The following VPS35L variants were observed in gnomAD, a reference collection of about 807,000 sequenced individuals.
The protein encoded by VPS35L is VPS35 endosomal protein sorting factor like, also known as VPS35 endosomal protein-sorting factor-like.
Under a neutral mutation model 133.0 loss-of-function variants are expected in VPS35L, and 83 were observed. The observed-to-expected ratio is 0.62, with a 90% confidence interval of 0.52 to 0.75. VPS35L has a LOEUF of 0.75. Among genes scored for constraint, VPS35L ranks in the 30% least tolerant of loss-of-function variants. The pLI is 0.00. For synonymous variants in VPS35L, 423 were observed against 449.9 expected (o/e 0.94, Z 0.76); for missense variants, 1,083 against 1,206.8 (o/e 0.90, Z 1.52).
In VPS35L at chr16:19,628,754, G is replaced by T. The variant is rs575523835; in HGVS notation, c.1500+1G>T. On this transcript the variant is annotated splice_donor_variant, in intron 17 of 30. Coordinates refer to ENST00000417362, the MANE Select transcript of VPS35L (RefSeq NM_020314.7). LOFTEE classifies it high-confidence loss of function. ...CATCACTAAGCTGAAGAACCCACAG[G>T]TGAGTGGCCATTTTATTTTTATTTT... 1.6e-6 allele frequency: 2 copies of T among 1,265,480 alleles called. No individual in the cohort carries two copies. Among genetic ancestry groups the T allele is most frequent in the South Asian group, 4.0e-5 (2 of 49,696 alleles). The allele number at this position is 1,265,480 out of a possible 1,614,324, so 78.4% of individuals were successfully genotyped here.
chr16:19,595,211 CGTG>C (rs1972172746), intron 8 of VPS35L, among the ~76,000 whole-genome samples: 1 of 152,008 alleles, frequency 6.6e-6, no homozygotes, highest in Non-Finnish European at 1.5e-5. Context: ...GGTGATCCCA[CGTG>C]GGATTTAACA....
intron 29 of VPS35L, among the ~76,000 whole-genome samples, chr16:19,695,022 AAGAC>A (rs1341402835): frequency 2.1e-4 from 32 of 150,036 alleles, no homozygotes; most frequent in African/African-American, 6.8e-4. Context: ...AAAAAAAAAA[AAGAC>A]AGAGCTCAAG....
rs1004990353 is a variant in VPS35L, at chr16:19,633,927, C to T, written c.1635+755C>T. Among the ~76,000 whole-genome samples, 3 of 151,870 alleles carry T rather than the reference C, an allele frequency of 2.0e-5. No individual in the cohort carries two copies. The highest frequency in any genetic ancestry group is 2.1e-4 in the South Asian group (1 of 4,826). On this transcript the variant is annotated intron_variant, in intron 19 of 30. Transcript: ENST00000417362. The surrounding 1 kb of genome is among the most constrained non-coding windows in gnomAD (Gnocchi z 4.1). ...ATTTTTAGTAGAGTTGGGGTTTCAC[C>T]GCGTTAGCCAGGGTGGTCTCGATGT...
chr16:19,578,225 T>A, intron 5 of VPS35L: 2 of 447,522 alleles, frequency 4.5e-6, no homozygotes, highest in Non-Finnish European at 8.9e-6. Context: ...CCTAAAACAT[T>A]TGTCAGGCTT....
At chr16:19,621,427 G>A (rs912980551) in intron 14 of VPS35L, among the ~76,000 whole-genome samples, 1 of 152,128 alleles carries the variant, frequency 6.6e-6, no homozygotes. Context: ...AAAAACAAAT[G>A]TTACATAAAT....
intron 7 of VPS35L, among the ~76,000 whole-genome samples, chr16:19,585,704 C>T (rs1003080556): frequency 6.6e-6 from 1 of 151,920 alleles, no homozygotes; most frequent in Non-Finnish European, 1.5e-5. Context: ...CACACCTGGC[C>T]TATCAGTTTT....
intron 2 of VPS35L, chr16:19,569,155 G>C (rs1971280903): frequency 1.6e-6 from 1 of 629,382 alleles, no homozygotes; most frequent in South Asian, 1.5e-5. Flanking sequence ...GGGAACCCCA[G>C]GTGCTGTAGC....
chr16:19,575,026 T>C, intron 4 of VPS35L, 72 bp from the exon 5 acceptor site: 1 of 1,284,254 alleles, frequency 7.8e-7, no homozygotes, highest in South Asian at 1.4e-5. Context: ...GGTATGTAAA[T>C]GGCTCTGTTG....
Position 19,569,393 on chromosome 16 carries a change from TC to T in VPS35L, c.118-29del, listed in dbSNP as rs753521367. On this transcript the variant is annotated intron_variant, in intron 2 of 30. Coordinates refer to ENST00000417362, the MANE Select transcript of VPS35L (RefSeq NM_020314.7). ...TTTCACTGGAGAGAGTTGTGGGAGT[TC>T]CGTTTTACCTCCAGAAATTTTCCTC... The T allele has an allele frequency of 2.3e-5, 36 of 1,595,650 alleles. No homozygotes were observed. The South Asian group carries it at 4.0e-4, about 18-fold the overall frequency.
chr16:19,594,161 A>T (rs957790415), intron 8 of VPS35L, among the ~76,000 whole-genome samples: 1 of 152,176 alleles, frequency 6.6e-6, no homozygotes, highest in Non-Finnish European at 1.5e-5. Flanking sequence ...CTGATTATCC[A>T]GGCCTGGGTC....
rs1298905258 is a variant in VPS35L at position 19,700,360 on chromosome 16, C to T, written c.2794-18C>T. On this transcript the variant is annotated intron_variant, in intron 30 of 30. Transcript: ENST00000417362. ...ATAATGAACCAGAAAGGAGATGGAT[C>T]TTTCTTTTTCCTCATAGGTGAAAAC... is the stretch of plus-strand genomic sequence containing the variant. 8 of 1,600,938 alleles carry T rather than the reference C, an allele frequency of 5.0e-6. No individual in the cohort carries two copies. The Admixed American group carries it at 1.2e-4, about 23-fold the overall frequency.
chr16:19,642,956 T>C (rs778262504), intron 22 of VPS35L, among the ~76,000 whole-genome samples: 1 of 152,236 alleles, frequency 6.6e-6, no homozygotes, highest in Non-Finnish European at 1.5e-5. Flanking sequence ...TTTTAAAATA[T>C]GTTTTCGTTT....
chr16:19,607,995 T>C, intron 9 of VPS35L, 183 bp from the exon 10 acceptor site: 1 of 584,172 alleles, frequency 1.7e-6, no homozygotes, highest in Non-Finnish European at 3.0e-6. Context: ...ACTTGGCACT[T>C]AGAAAGCCTG....
chr16:19,638,413 C>T (rs980593151), intron 20 of VPS35L, among the ~76,000 whole-genome samples: 10 of 152,134 alleles, frequency 6.6e-5, no homozygotes, highest in African/African-American at 2.2e-4. Context: ...ATATACATTC[C>T]AAGACTCCCA....
chr16:19,648,016 C>T, intron 24 of VPS35L, 134 bp downstream of exon 24: 1 of 766,332 alleles, frequency 1.3e-6, no homozygotes. Flanking sequence ...TGCAGTGGCG[C>T]AATCATAGCT....
At chr16:19,659,679 G>A (rs1974416016) in intron 26 of VPS35L, among the ~76,000 whole-genome samples, 1 of 152,172 alleles carries the variant, frequency 6.6e-6, no homozygotes, top group African/African-American at 2.4e-5. Flanking sequence ...ATAGATAGTG[G>A]TAAATCTCTA....
intron 3 of VPS35L, among the ~76,000 whole-genome samples, chr16:19,571,532 T>C (rs1971384309): frequency 6.7e-6 from 1 of 149,504 alleles, no homozygotes; most frequent in Admixed American, 6.6e-5. Context: ...TTTTTTTTAA[T>C]TTATTTTATT....
At chr16:19,671,845 A>G (rs189161029) in intron 27 of VPS35L, among the ~76,000 whole-genome samples, 352 of 152,352 alleles carry the variant, frequency 2.3e-3, no homozygotes, top group African/African-American at 7.3e-3. Context: ...TGCATGGCAC[A>G]GAACAGATTA....
At chr16:19,626,370 C>T (rs1973261878) in intron 15 of VPS35L, 147 bp downstream of exon 15, 1 of 721,804 alleles carries the variant, frequency 1.4e-6, no homozygotes, top group Non-Finnish European at 2.5e-6. Flanking sequence ...GTTGCCTGGC[C>T]TCAGACCTTG....
Sources: allele counts gnomAD v4.1 joint callset (sites outside exome capture counted in the v4.1 genomes callset), GRCh38; gene constraint gnomAD v4.1.1; non-coding constraint Gnocchi (gnomAD v3.1); transcripts MANE v1.5; gene names NCBI Gene and HGNC (gene_info 2026-07-23, HGNC 2026-07-21).